POSTN: variants seen among roughly 807,000 people sequenced by gnomAD.
POSTN encodes the protein osteoblast specific factor 2 (fasciclin I-like).
A neutral mutation model predicts 104.5 loss-of-function variants in POSTN; 71 were observed. That is an observed-to-expected ratio of 0.68 (90% CI 0.56 to 0.83). POSTN has a LOEUF of 0.83. Among genes scored for constraint, POSTN ranks in the 40% least tolerant of loss-of-function variants. The pLI is 0.00. For missense variants in POSTN, 949 were observed against 1,006.8 expected (o/e 0.94, Z 0.78); for synonymous variants, 355 against 340.7 (o/e 1.04, Z -0.46).
rs1165497035 is a variant in POSTN at position 37,592,162 on chromosome 13, G to T, written c.221C>A (p.Thr74Asn). 1 of 1,563,302 alleles carries T rather than the reference G, an allele frequency of 6.4e-7. No individual in the cohort carries two copies. The highest frequency in any genetic ancestry group is 1.7e-5 in the Admixed American group (1 of 58,600). The change falls in exon 3 of 23, where the codon ACT (threonine) becomes AAT (asparagine). Residue 74 changes from threonine (T) to asparagine (N), a missense_variant and splice_region_variant. Physicochemically the swap from Thr to Asn is moderately conservative, Grantham distance 65. Transcript: ENST00000379747. The stretch of plus-strand genomic sequence containing the variant: ...ACCAGGGCAACATTCATATAACACA[G>T]TCCTGTACATAGGAAGAAAATTAAT... ...YKKSICGQKT[T>N]VLYECCPGYM...
At chr13:37,595,416 T>C (rs1156884854) in intron 2 of POSTN, among the ~76,000 whole-genome samples, 1 of 152,270 alleles carries the variant, frequency 6.6e-6, no homozygotes, top group East Asian at 1.9e-4. Flanking sequence ...ATAGGAATAA[T>C]GTTCAGGTCA....
intron 16 of POSTN, among the ~76,000 whole-genome samples, chr13:37,575,438 C>T (rs1023055730): frequency 5.3e-5 from 8 of 151,914 alleles, no homozygotes; most frequent in East Asian, 3.9e-4. Flanking sequence ...ATCAAACCTA[C>T]GTGTGTACCC....
chr13:37,584,967 G>A (rs769163460), intron 7 of POSTN, 39 bp from the exon 8 acceptor site: 2 of 1,606,136 alleles, frequency 1.2e-6, no homozygotes, highest in South Asian at 1.1e-5. Flanking sequence ...TTCAGATCAA[G>A]GGAAATAACA....
At chr13:37,574,475 T>A in intron 17 of POSTN, 97 bp downstream of exon 17, 1 of 1,416,308 alleles carries the variant, frequency 7.1e-7, no homozygotes, top group Non-Finnish European at 9.3e-7. Flanking sequence ...ACATTTAACA[T>A]GTTAGTTTTT....
Position 37,569,529 on chromosome 13 carries a change from A to G in POSTN, c.2348-146T>C, listed in dbSNP as rs192461133. 4.6e-5 allele frequency: 37 copies of G among 810,544 alleles called. No homozygotes were observed. The African/African-American group carries it at 4.6e-4, about 10-fold the overall frequency. 50.2% of individuals were successfully genotyped at this position (810,544 alleles called of 1,614,324 possible). On this transcript the variant is annotated intron_variant, in intron 20 of 22. Coordinates refer to ENST00000379747, the MANE Select transcript of POSTN (RefSeq NM_006475.3). ...TCACAAATTTTAGTGCTGTTTTCTG[A>G]CATACTAATATTCTTATAAAGTTGT...
chr13:37,579,979 G>T lies in POSTN; in HGVS notation c.1542C>A (p.Ser514Arg). ...KQDKRFSTFL[S>R]LLEAADLKEL... ...CTTTCAAGTCTGCAGCTTCAAGTAG[G>T]CTGAGGAAGGTGCTAAGTGGGAAGA... Residue 514 changes from serine (S) to arginine (R), a missense_variant, in exon 12 of 23, where the codon AGC becomes AGA. Ser to Arg is a moderately radical substitution (Grantham distance 110). Transcript: ENST00000379747. 6.2e-7 allele frequency: 1 copy of T among 1,613,290 alleles called. No homozygotes were observed. The highest frequency in any genetic ancestry group is 8.5e-7 in the Non-Finnish European group (1 of 1,179,358).
rs753393213 is a variant in POSTN, at chr13:37,590,371, C to T, written c.441+1G>A. The T allele has an allele frequency of 1.3e-6, 2 of 1,535,998 alleles. No individual in the cohort carries two copies. The highest frequency in any genetic ancestry group is 1.8e-6 in the Non-Finnish European group (2 of 1,140,718). On this transcript the variant is annotated splice_donor_variant, in intron 4 of 22. Coordinates refer to ENST00000379747, the MANE Select transcript of POSTN (RefSeq NM_006475.3). LOFTEE classifies it high-confidence loss of function. ...ATATATTGATAAAAATAATGAATTA[C>T]AGAATCCAAGTTGTCCCAAGCCTCA...
At chr13:37,573,424 T>C (rs1342764273) in intron 17 of POSTN, among the ~76,000 whole-genome samples, 1 of 151,266 alleles carries the variant, frequency 6.6e-6, no homozygotes, top group Non-Finnish European at 1.5e-5. Context: ...AAAACAAGGA[T>C]AGATTTCAAA....
rs756672291 is a variant in POSTN, at chr13:37,578,928, T to C, written c.1895-17A>G. ...CAGGTGTGTCTATGAAGAGAAATAT[T>C]AAATGAATATTGGTAAGAAAGCATA... On this transcript the variant is annotated splice_polypyrimidine_tract_variant and intron_variant, in intron 14 of 22. Coordinates refer to ENST00000379747, the MANE Select transcript of POSTN (RefSeq NM_006475.3). 1 of 1,594,040 alleles carries C rather than the reference T, an allele frequency of 6.3e-7. No individual in the cohort carries two copies. Among genetic ancestry groups the C allele is most frequent in the South Asian group, 1.2e-5 (1 of 86,590 alleles).
chr13:37,597,154 G>T, intron 2 of POSTN, 30 bp downstream of exon 2: 2 of 1,425,872 alleles, frequency 1.4e-6, no homozygotes, highest in South Asian at 2.6e-5. Flanking sequence ...TTTTGGAACT[G>T]ACATATTATG....
In POSTN at chr13:37,584,097, T is replaced by C. The variant is rs1950678571; in HGVS notation, c.1115A>G (p.Gln372Arg). Residue 372 changes from glutamine (Q) to arginine (R), a missense_variant, in exon 9 of 23, where the codon CAA becomes CGA. Physicochemically the swap from Gln to Arg is conservative, Grantham distance 43. Transcript: ENST00000379747. Reference protein sequence around the residue: ...DQVLIPDSAKQVIELAGKQQT... With the variant: ...DQVLIPDSAKRVIELAGKQQT... The stretch of plus-strand genomic sequence containing the variant: ...CTGTTTTCCAGCCAGCTCAATAACT[T>C]GTTTGGCTGAAAAATAAACCATCAC... 2 of 1,613,512 alleles carry C rather than the reference T, an allele frequency of 1.2e-6. No individual in the cohort carries two copies. Among genetic ancestry groups the C allele is most frequent in the Admixed American group, 1.7e-5 (1 of 59,926 alleles).
In POSTN at chr13:37,584,885, C is replaced by G. The variant is rs1464414550; in HGVS notation, c.939G>C (p.Glu313Asp). ...CAAAGACTGCTCCTCCCATAATAGA[C>G]TCAGAACACTGGAGAGTATTTAAGA... ...YHILNTLQCS[E>D]SIMGGAVFET... Residue 313 changes from glutamate (E) to aspartate (D), a missense_variant, in exon 8 of 23, where the codon GAG becomes GAC. Physicochemically the swap from Glu to Asp is conservative, Grantham distance 45. Coordinates refer to ENST00000379747, the MANE Select transcript of POSTN (RefSeq NM_006475.3). 1 of 1,613,828 alleles carries G rather than the reference C, an allele frequency of 6.2e-7. No individual in the cohort carries two copies. The highest frequency in any genetic ancestry group is 1.1e-5 in the South Asian group (1 of 91,074).
At position 37,579,080 on chromosome 13, in the gene POSTN, T is replaced by C; in HGVS notation, c.1833A>G (p.Glu611=). ...CACCATTTGTTGTCATGATGTCAGA[T>C]TCTTTTGATTTCAATTCATTCACCA... ...TLLVNELKSK[E]SDIMTTNGVI... Residue 611 remains glutamate, a synonymous_variant, in exon 14 of 23, where the codon GAA becomes GAG. Coordinates refer to ENST00000379747, the MANE Select transcript of POSTN (RefSeq NM_006475.3). 6 of 1,613,318 alleles carry C rather than the reference T, an allele frequency of 3.7e-6. No homozygotes were observed. The highest frequency in any genetic ancestry group is 5.1e-6 in the Non-Finnish European group (6 of 1,179,622).
intron 2 of POSTN, among the ~76,000 whole-genome samples, chr13:37,594,477 C>A (rs539044674): frequency 6.6e-6 from 1 of 151,910 alleles, no homozygotes; most frequent in South Asian, 2.1e-4. Flanking sequence ...AACATTTATG[C>A]TACCCAAAAC....
chr13:37,564,705 C>T, intron 21 of POSTN, 145 bp from the exon 22 acceptor site: 2 of 470,918 alleles, frequency 4.2e-6, no homozygotes, highest in Non-Finnish European at 7.6e-6. Context: ...ATTTTATGAT[C>T]CTCAGAGTTT....
chr13:37,569,652 A>G (rs1950205762), intron 20 of POSTN, 92 bp downstream of exon 20: 4 of 995,506 alleles, frequency 4.0e-6, no homozygotes, highest in Non-Finnish European at 4.8e-6. Flanking sequence ...CAATAGATTG[A>G]GATAGAGTAG....
intron 5 of POSTN, among the ~76,000 whole-genome samples, 169 bp from the exon 6 acceptor site, chr13:37,587,097 A>C (rs901796444): frequency 4.6e-5 from 7 of 152,208 alleles, no homozygotes; most frequent in African/African-American, 1.7e-4. Context: ...TTATATCTAA[A>C]AAAGAAACTG....
rs764720820 is a variant in POSTN at position 37,563,323 on chromosome 13, T to G, written c.*10A>C. 6.3e-7 allele frequency: 1 copy of G among 1,579,238 alleles called. No individual in the cohort carries two copies. The highest frequency in any genetic ancestry group is 8.7e-7 in the Non-Finnish European group (1 of 1,153,004). On this transcript the variant is annotated 3_prime_UTR_variant, in exon 23 of 23. Coordinates refer to ENST00000379747, the MANE Select transcript of POSTN (RefSeq NM_006475.3). ...GGTTGTATAAACATTTTTTTCTGGT[T>G]TTTGGATTTTCACTGAGAACGACCT...
At position 37,563,320 on chromosome 13, in the gene POSTN, G is replaced by T. The variant is rs777066023; in HGVS notation, c.*13C>A. On this transcript the variant is annotated 3_prime_UTR_variant, in exon 23 of 23. Coordinates refer to ENST00000379747, the MANE Select transcript of POSTN (RefSeq NM_006475.3). The stretch of plus-strand genomic sequence containing the variant: ...TAGGGTTGTATAAACATTTTTTTCT[G>T]GTTTTTGGATTTTCACTGAGAACGA... 1.3e-6 allele frequency: 2 copies of T among 1,570,248 alleles called. No individual in the cohort carries two copies. Among genetic ancestry groups the T allele is most frequent in the Non-Finnish European group, 8.7e-7 (1 of 1,146,892 alleles).
Sources: gnomAD v4.1 joint callset for allele counts (sites outside exome capture counted in the v4.1 genomes callset) on GRCh38, gnomAD v4.1.1 for gene constraint, MANE v1.5 for transcripts, NCBI Gene and HGNC (gene_info 2026-07-23, HGNC 2026-07-21) for gene names.